AOPEP: variants seen among roughly 807,000 people sequenced by gnomAD.
AOPEP encodes the protein aminopeptidase O.
AOPEP carries 77 observed loss-of-function variants against 98.1 expected under a neutral mutation model. That is an observed-to-expected ratio of 0.78 (90% CI 0.65 to 0.95). The LOEUF is 0.95. AOPEP is among the 40% of genes least tolerant of loss of function. The pLI is 0.00. For missense variants in AOPEP, 1,024 were observed against 1,024.7 expected (o/e 1.00, Z 0.01); for synonymous variants, 346 against 365.3 (o/e 0.95, Z 0.60).
At chr9:94,981,782 C>T (rs1484302967) in intron 11 of AOPEP, among the ~76,000 whole-genome samples, 1 of 152,160 alleles carries the variant, frequency 6.6e-6, no homozygotes, top group Non-Finnish European at 1.5e-5. Context: ...TGCTCTGATG[C>T]TCTTTGTTCT....
At chr9:95,085,413 G>A (rs763986815) in intron 16 of AOPEP, 6 of 523,832 alleles carry the variant, frequency 1.1e-5, no homozygotes, top group East Asian at 1.1e-4. Flanking sequence ...GATGCTCACC[G>A]GTCACCGTCC....
intron 11 of AOPEP, chr9:95,003,808 A>G: frequency 6.4e-6 from 1 of 155,306 alleles, no homozygotes; most frequent in Non-Finnish European, 1.4e-5. Flanking sequence ...GTCTATTTAT[A>G]TTGCTCTCTA....
intron 3 of AOPEP, among the ~76,000 whole-genome samples, chr9:94,789,381 G>T (rs1393338433): frequency 6.6e-6 from 1 of 152,012 alleles, no homozygotes; most frequent in Non-Finnish European, 1.5e-5. Flanking sequence ...AATGGTTCTT[G>T]GTAAACTCTA....
the AOPEP span, among the ~76,000 whole-genome samples, chr9:95,116,264 G>C: frequency 1.3e-5 from 2 of 152,186 alleles, no homozygotes; most frequent in African/African-American, 4.8e-5. Flanking sequence ...GGTGAACCCT[G>C]GGAGAGTGAA....
chr9:95,132,044 A>G, the AOPEP span, among the ~76,000 whole-genome samples: 1 of 152,210 alleles, frequency 6.6e-6, no homozygotes, highest in African/African-American at 2.4e-5. Flanking sequence ...GCATATTCTG[A>G]TATCAAATCT....
intron 4 of AOPEP, among the ~76,000 whole-genome samples, chr9:94,797,515 A>T (rs551974356): frequency 1.2e-4 from 18 of 152,222 alleles, no homozygotes; most frequent in Admixed American, 1.1e-3. Context: ...CTGAGTTATC[A>T]TAGAATCATA....
chr9:95,007,468 G>A (rs780210514), intron 13 of AOPEP, among the ~76,000 whole-genome samples: 5 of 152,100 alleles, frequency 3.3e-5, no homozygotes, highest in Non-Finnish European at 7.3e-5. Context: ...AAGCTCTTGC[G>A]TTAAAACTTA....
the AOPEP span, chr9:95,107,143 G>T: frequency 2.5e-6 from 4 of 1,614,112 alleles, no homozygotes; most frequent in Non-Finnish European, 8.5e-7. Context: ...TGCCTGATCA[G>T]CTGTTGTGCA....
chr9:94,768,384 G>C (rs1362311554), intron 2 of AOPEP, among the ~76,000 whole-genome samples: 3 of 152,288 alleles, frequency 2.0e-5, no homozygotes, highest in Middle Eastern at 3.4e-3. Context: ...GCTGCGAAAA[G>C]ACAAATGCGT....
At chr9:94,771,131 A>T (rs1472456943) in intron 2 of AOPEP, among the ~76,000 whole-genome samples, 1 of 152,132 alleles carries the variant, frequency 6.6e-6, no homozygotes, top group Non-Finnish European at 1.5e-5. Flanking sequence ...GTGTAATAAT[A>T]TGCTAGCATG....
chr9:94,960,494 A>C (rs2058746815), intron 9 of AOPEP, among the ~76,000 whole-genome samples: 1 of 151,564 alleles, frequency 6.6e-6, no homozygotes. Context: ...CTTAATTATT[A>C]TTTTTATATA....
At chr9:94,864,034 ATACTCC>A (rs1381931480) in intron 5 of AOPEP, among the ~76,000 whole-genome samples, 2 of 152,212 alleles carry the variant, frequency 1.3e-5, no homozygotes, top group Non-Finnish European at 2.9e-5. Flanking sequence ...AAATAGCTGG[ATACTCC>A]CACACATGGG....
Position 94,879,053 on chromosome 9 carries a change from G to A in AOPEP, c.1365-44933G>A, listed in dbSNP as rs542767823. Among the ~76,000 whole-genome samples, 3 of 152,344 alleles carry A rather than the reference G, an allele frequency of 2.0e-5. No individual in the cohort carries two copies. The East Asian group carries it at 5.8e-4, about 29-fold the overall frequency. ...GGGTGGGGACCACAAGATCAGATGAGCCAGTTTATCAATCTGGGTGGTGAC... is the reference window on the plus strand; with the variant it reads ...GGGTGGGGACCACAAGATCAGATGAACCAGTTTATCAATCTGGGTGGTGAC... On this transcript the variant is annotated intron_variant, in intron 5 of 16. Transcript: ENST00000375315.
At chr9:94,960,969 G>A (rs941860349) in intron 9 of AOPEP, among the ~76,000 whole-genome samples, 10 of 146,962 alleles carry the variant, frequency 6.8e-5, no homozygotes, top group Admixed American at 1.4e-4. Context: ...CCGAGATTGC[G>A]CGCCACTGCA....
chr9:94,779,659 T>G (rs1842872340), intron 3 of AOPEP, among the ~76,000 whole-genome samples: 1 of 151,536 alleles, frequency 6.6e-6, no homozygotes, highest in African/African-American at 2.4e-5. Context: ...AATTTATAAT[T>G]TGAATTTTAT....
At chr9:95,135,544 C>G in the AOPEP span, 5 of 1,583,112 alleles carry the variant, frequency 3.2e-6, no homozygotes, top group Non-Finnish European at 4.3e-6. Context: ...AGAAATGGCT[C>G]ACTGAAAAAA....
intron 13 of AOPEP, among the ~76,000 whole-genome samples, chr9:95,057,732 A>G (rs1429232686): frequency 1.3e-5 from 2 of 152,142 alleles, no homozygotes; most frequent in African/African-American, 4.8e-5. Flanking sequence ...TACTTTTTTC[A>G]GAAACTACAT....
chr9:94,741,311 C>T (rs567994652), intron 1 of AOPEP, among the ~76,000 whole-genome samples: 50 of 150,998 alleles, frequency 3.3e-4, no homozygotes, highest in South Asian at 1.7e-3. Flanking sequence ...CTTGCTCTGT[C>T]GCCCAGGCTG....
intron 5 of AOPEP, among the ~76,000 whole-genome samples, chr9:94,898,819 T>C (rs1198851361): frequency 6.7e-6 from 1 of 150,194 alleles, no homozygotes; most frequent in Non-Finnish European, 1.5e-5. Flanking sequence ...GGCAGGCGCT[T>C]GTAGTCCCAG....
Sources: allele counts gnomAD v4.1 joint callset (sites outside exome capture counted in the v4.1 genomes callset), GRCh38; gene constraint gnomAD v4.1.1; transcripts MANE v1.5; gene names NCBI Gene and HGNC (gene_info 2026-07-23, HGNC 2026-07-21).